The following NOP58 variants were observed in gnomAD, a reference collection of about 807,000 sequenced individuals.
NOP58 encodes the protein NOP58 ribonucleoprotein.
Under a neutral mutation model 71.2 loss-of-function variants are expected in NOP58, and 44 were observed. That is an observed-to-expected ratio of 0.62 (90% CI 0.49 to 0.79). The LOEUF is 0.79. Among genes scored for constraint, NOP58 ranks in the 30% least tolerant of loss-of-function variants. The pLI is 0.00. For missense variants in NOP58, 538 were observed against 620.2 expected (o/e 0.87, Z 1.41); for synonymous variants, 228 against 200.3 (o/e 1.14, Z -1.17).
intron 3 of NOP58, 22 bp downstream of exon 3, chr2:202,278,024 T>G (rs1688635333): frequency 6.8e-7 from 1 of 1,464,604 alleles, no homozygotes; most frequent in East Asian, 2.3e-5. Context: ...AATTAGAAGC[T>G]TGCTTTTTTG....
chr2:202,292,185 G>C (rs957188206), intron 8 of NOP58, among the ~76,000 whole-genome samples: 1 of 149,938 alleles, frequency 6.7e-6, no homozygotes, highest in Non-Finnish European at 1.5e-5. Flanking sequence ...ATAGAGACGG[G>C]GTTTCACCAT....
chr2:202,300,161 T>C (rs1197058491), intron 12 of NOP58, 73 bp from the exon 13 acceptor site: 1 of 1,300,648 alleles, frequency 7.7e-7, no homozygotes, highest in Non-Finnish European at 1.1e-6. Context: ...AATGGCATTT[T>C]CTTTATCTCT....
At chr2:202,271,321 T>C (rs759625973) in intron 1 of NOP58, among the ~76,000 whole-genome samples, 1 of 151,100 alleles carries the variant, frequency 6.6e-6, no homozygotes, top group Non-Finnish European at 1.5e-5. Context: ...TTTGGGAGGC[T>C]GAGGCAGGTA....
intron 3 of NOP58, 123 bp downstream of exon 3, chr2:202,278,125 T>C: frequency 2.6e-6 from 2 of 763,498 alleles, no homozygotes; most frequent in South Asian, 1.4e-5. Context: ...TTGTCAATGA[T>C]GCATTCTTAT....
rs192947534 is a variant in NOP58, at chr2:202,288,797, A to G, written c.499+1073A>G. On this transcript the variant is annotated intron_variant, in intron 6 of 14. Coordinates refer to ENST00000264279, the MANE Select transcript of NOP58 (RefSeq NM_015934.5). ...ACCATTTCACTCTAGCTTGGACAAC[A>G]TGAGCAACACTCCGTCTCAAAAAAA... Among the ~76,000 whole-genome samples the G allele has an allele frequency of 7.3e-5, 11 of 151,564 alleles. No homozygotes were observed. In the East Asian group the frequency reaches 1.8e-3, roughly 24 times the overall value.
In NOP58 at chr2:202,297,826, T is replaced by C; in HGVS notation, c.1207-19T>C. Reference sequence around the variant, plus strand: ...TTATGACTTAGAAGTGTATTTGTAATTTTTCGTTTTCTTCTTAGATAAGAA... The same window carrying C: ...TTATGACTTAGAAGTGTATTTGTAACTTTTCGTTTTCTTCTTAGATAAGAA... On this transcript the variant is annotated intron_variant, in intron 11 of 14. Coordinates refer to ENST00000264279, the MANE Select transcript of NOP58 (RefSeq NM_015934.5). The C allele has an allele frequency of 7.1e-7, 1 of 1,406,722 alleles. No individual in the cohort carries two copies. Among genetic ancestry groups the C allele is most frequent in the Non-Finnish European group, 9.9e-7 (1 of 1,013,752 alleles). The allele number at this position is 1,406,722 out of a possible 1,614,324, so 87.1% of individuals were successfully genotyped here.
chr2:202,285,341 AT>A (rs932875625), intron 5 of NOP58, among the ~76,000 whole-genome samples: 7,327 of 81,326 alleles, frequency 0.09, 439 homozygotes, highest in African/African-American at 0.31. Flanking sequence ...CACACCCGGC[AT>A]TTTTTTTTTT....
At chr2:202,286,708 A>G (rs1471264686) in intron 5 of NOP58, among the ~76,000 whole-genome samples, 1 of 152,158 alleles carries the variant, frequency 6.6e-6, no homozygotes, top group Non-Finnish European at 1.5e-5. Context: ...GTAAATCTGC[A>G]TTGTGTATAG....
chr2:202,276,157 G>A (rs1056249886), intron 2 of NOP58, among the ~76,000 whole-genome samples: 2 of 151,512 alleles, frequency 1.3e-5, no homozygotes, highest in African/African-American at 2.4e-5. Flanking sequence ...TGGCCAACAT[G>A]GTGAAACCCC....
intron 2 of NOP58, among the ~76,000 whole-genome samples, chr2:202,277,115 G>A (rs999452075): frequency 1.8e-4 from 27 of 152,126 alleles, no homozygotes; most frequent in African/African-American, 6.5e-4. Flanking sequence ...GTGAAACCCC[G>A]TCTCTACGAA....
intron 12 of NOP58, among the ~76,000 whole-genome samples, chr2:202,299,080 C>T (rs907612591): frequency 6.6e-6 from 1 of 151,284 alleles, no homozygotes; most frequent in African/African-American, 2.4e-5. Flanking sequence ...CTGCCTCAGC[C>T]TCCCGAGTAG....
chr2:202,277,700 T>C (rs559779796), intron 2 of NOP58, among the ~76,000 whole-genome samples: 4 of 152,308 alleles, frequency 2.6e-5, no homozygotes, highest in Non-Finnish European at 5.9e-5. Context: ...TCAACATCTT[T>C]ACTCTTGGCC....
chr2:202,282,617 C>A, intron 4 of NOP58, 145 bp downstream of exon 4: 1 of 722,674 alleles, frequency 1.4e-6, no homozygotes, highest in Non-Finnish European at 2.2e-6. Context: ...AATGGATTTC[C>A]CCTAACATCA....
At chr2:202,301,325 C>T (rs1331518891) in intron 13 of NOP58, among the ~76,000 whole-genome samples, 2 of 152,108 alleles carry the variant, frequency 1.3e-5, no homozygotes, top group Non-Finnish European at 2.9e-5. Flanking sequence ...GCTGTGATTA[C>T]AGGCACGCAC....
chr2:202,272,149 A>AT (rs570916461), intron 1 of NOP58, among the ~76,000 whole-genome samples: 76,353 of 111,178 alleles, frequency 0.69, 28,777 homozygotes, highest in Non-Finnish European at 0.82. Context: ...CTGATGTATA[A>AT]TTTTTTTTTT....
intron 7 of NOP58, 69 bp from the exon 8 acceptor site, chr2:202,291,056 A>T: frequency 1.5e-6 from 2 of 1,353,448 alleles, no homozygotes; most frequent in African/African-American, 1.5e-5. Flanking sequence ...TTTTCTTTTG[A>T]CTATTTGCTG....
intron 4 of NOP58, among the ~76,000 whole-genome samples, chr2:202,282,723 T>C (rs1041722398): frequency 9.2e-5 from 14 of 152,200 alleles, no homozygotes; most frequent in African/African-American, 3.4e-4. Flanking sequence ...GCTACCCATA[T>C]ATAATGTTAA....
chr2:202,276,652 C>A, intron 2 of NOP58: 1 of 302,772 alleles, frequency 3.3e-6, no homozygotes, highest in Non-Finnish European at 6.8e-6. Flanking sequence ...CCAGCCTGGG[C>A]AATATAGGAA....
At chr2:202,291,834 G>A (rs528638759) in intron 8 of NOP58, among the ~76,000 whole-genome samples, 72 of 143,428 alleles carry the variant, frequency 5.0e-4, no homozygotes, top group African/African-American at 1.8e-3. Context: ...AAAAAAGGAT[G>A]GCAGACAATT....
Sources: allele counts gnomAD v4.1 joint callset (sites outside exome capture counted in the v4.1 genomes callset), GRCh38; gene constraint gnomAD v4.1.1; transcripts MANE v1.5; gene names NCBI Gene and HGNC (gene_info 2026-07-23, HGNC 2026-07-21).